CEL: variants seen among roughly 807,000 people sequenced by gnomAD.
CEL encodes carboxyl ester lipase, also known as bile salt-activated lipase.
A neutral mutation model predicts 57.1 loss-of-function variants in CEL; 39 were observed. The ratio of observed to expected loss-of-function variants is 0.68; its 90% CI spans 0.53 to 0.89. CEL has a LOEUF of 0.89. CEL is among the 40% of genes least tolerant of loss of function. The pLI, the probability that CEL is intolerant of heterozygous loss-of-function variation, is 0.00. For missense variants in CEL, 698 were observed against 915.0 expected, an observed-to-expected ratio of 0.76 and a Z score of 3.06; for synonymous variants, 314 against 396.6, an observed-to-expected ratio of 0.79 and a Z score of 2.48.
intron 1 of CEL, 64 bp from the exon 2 acceptor site, chr9:133,064,340 C>A (rs1830138886): frequency 1.9e-6 from 3 of 1,604,806 alleles, no homozygotes; most frequent in African/African-American, 1.3e-5. Flanking sequence ...GCTTGCCTTG[C>A]CCCCTCCGGA....
At position 133,067,189 on chromosome 9, in the gene CEL, G is replaced by A. The variant is rs759524824; in HGVS notation, c.879G>A (p.Pro293=). 4.8e-5 allele frequency: 77 copies of A among 1,613,630 alleles called. No homozygotes were observed. The highest frequency in any genetic ancestry group is 6.0e-5 in the Non-Finnish European group (71 of 1,179,920). Residue 293 remains proline (P), a synonymous_variant, in exon 7 of 11, where the codon CCG becomes CCA. Coordinates refer to ENST00000372080, the MANE Select transcript of CEL (RefSeq NM_001807.6). ...PRALTLAYKV[P]LAGLEYPMLH... ...CCCTGACGCTGGCCTATAAGGTGCC[G>A]CTGGCAGGCCTGGAGTGTGAGTAGC...
intron 7 of CEL, among the ~76,000 whole-genome samples, chr9:133,068,055 A>T (rs1029618113): frequency 6.6e-6 from 1 of 152,210 alleles, no homozygotes; most frequent in Non-Finnish European, 1.5e-5. Context: ...TTTACCTGAC[A>T]TGAGCTCAAC....
Position 133,064,603 on chromosome 9 carries a change from C to T in CEL, c.218-37C>T, listed in dbSNP as rs371081359. On this transcript the variant is annotated intron_variant, in intron 2 of 10. Transcript: ENST00000372080. ...GGCCCTGCGGCGGGGCGGGTGAGGG[C>T]GGCTGCCTTCCTCATGCCAACTCCT... 662 of 1,613,374 alleles carry T rather than the reference C, an allele frequency of 4.1e-4. 2 individuals are homozygous for T. The highest frequency in any genetic ancestry group is 1.7e-4 in the Middle Eastern group (1 of 5,906).
In CEL at chr9:133,066,661, G is replaced by A; in HGVS notation, c.669+1G>A. On this transcript the variant is annotated splice_donor_variant, in intron 5 of 10. Coordinates refer to ENST00000372080, the MANE Select transcript of CEL (RefSeq NM_001807.6). LOFTEE classifies it high-confidence loss of function. This position sits in a 1 kb window ranked among gnomAD's most constrained non-coding sequence, Gnocchi z 4.3. ...TGGAGGTGCCAGCGTCTCTCTGCAG[G>A]TCTCGGGATCCCTGTGGGGAGGGCC... 6.2e-7 allele frequency: 1 copy of A among 1,613,120 alleles called. No homozygotes were observed. The highest frequency in any genetic ancestry group is 1.6e-4 in the Middle Eastern group (1 of 6,062).
chr9:133,067,007 T>G, intron 6 of CEL, 62 bp downstream of exon 6: 1 of 1,605,192 alleles, frequency 6.2e-7, no homozygotes, highest in Non-Finnish European at 8.5e-7. Context: ...TTCTTTATCC[T>G]GGACCCCATC....
In CEL at chr9:133,071,144, G is replaced by A. The variant is rs780580551; in HGVS notation, c.1642G>A (p.Ala548Thr). 5.0e-5 allele frequency: 80 copies of A among 1,608,628 alleles called. 1 individual carries two copies. Among genetic ancestry groups the A allele is most frequent in the Middle Eastern group, 3.3e-4 (2 of 6,078 alleles). Residue 548 changes from alanine to threonine, a missense_variant, in exon 11 of 11, where the codon GCG (alanine) becomes ACG (threonine). By Grantham distance (58) the Ala-to-Thr change is moderately conservative. Around this residue, in one of 6 missense-constraint regions of CEL, gnomAD observed 238 missense variants for 213.7 expected, o/e 1.11. Transcript: ENST00000372080. Reference protein sequence around the residue: ...FLRYWTLTYLALPTVTDQEAT... With the variant: ...FLRYWTLTYLTLPTVTDQEAT... ...GCGCTACTGGACCCTCACCTATCTG[G>A]CGCTGCCCACAGTGACCGACCAGGA... is the stretch of plus-strand genomic sequence containing the variant.
chr9:133,066,981 G>GTCC lies in CEL; in HGVS notation c.777+36_777+37insTCC. Reference sequence around the variant, plus strand: ...GAGGGCAGGGCTGGGCGGGGTGGGGGCTGTCCACATTTCCGTTCTTTATCC... The same window carrying GTCC: ...GAGGGCAGGGCTGGGCGGGGTGGGGGTCCCTGTCCACATTTCCGTTCTTTATCC... On this transcript the variant is annotated intron_variant, in intron 6 of 10. Transcript: ENST00000372080. This position sits in a 1 kb window ranked among gnomAD's most constrained non-coding sequence, Gnocchi z 4.3. 4 of 1,593,130 alleles carry GTCC rather than the reference G, an allele frequency of 2.5e-6. No individual in the cohort carries two copies. Among genetic ancestry groups the GTCC allele is most frequent in the Non-Finnish European group, 3.4e-6 (4 of 1,161,278 alleles).
Position 133,065,371 on chromosome 9 carries a change from T to C in CEL, c.538+134T>C, listed in dbSNP as rs138020576. 388 of 1,042,114 alleles carry C rather than the reference T, an allele frequency of 3.7e-4. No individual in the cohort carries two copies. In the African/African-American group the frequency reaches 5.5e-3, roughly 15 times the overall value. 64.6% of individuals were successfully genotyped at this position (1,042,114 alleles called of 1,614,324 possible). ...AGACCCGGAAGCTGGAGTAGAATCA[T>C]GAGATGCAGGAGGCCCTTGGTAGCT... On this transcript the variant is annotated intron_variant, in intron 4 of 10. Coordinates refer to ENST00000372080, the MANE Select transcript of CEL (RefSeq NM_001807.6).
intron 4 of CEL, among the ~76,000 whole-genome samples, chr9:133,065,929 G>C (rs1830171841): frequency 6.6e-6 from 1 of 151,924 alleles, no homozygotes; most frequent in African/African-American, 2.4e-5. Context: ...GAGGTGGAAG[G>C]ATCGCTTGAG....
intron 1 of CEL, 35 bp from the exon 2 acceptor site, chr9:133,064,369 G>A (rs1830139397): frequency 6.2e-7 from 1 of 1,611,502 alleles, no homozygotes; most frequent in Non-Finnish European, 8.5e-7. Context: ...GATGGGGCTT[G>A]AGCCCCCCTG....
At position 133,071,698 on chromosome 9, in the gene CEL, G is replaced by A. The variant is rs780310748; in HGVS notation, c.2196G>A (p.Glu732=). The A allele has an allele frequency of 3.7e-5, 60 of 1,610,548 alleles. No individual in the cohort carries two copies. The highest frequency in any genetic ancestry group is 3.5e-4 in the Admixed American group (21 of 59,866). ...APPVPPTGDS[E]AAPVPPTDDS... Reference sequence around the variant, plus strand: ...CTGTGCCCCCCACGGGTGACTCTGAGGCTGCCCCTGTGCCCCCCACAGATG... The same window carrying A: ...CTGTGCCCCCCACGGGTGACTCTGAAGCTGCCCCTGTGCCCCCCACAGATG... The change falls in exon 11 of 11, where the codon GAG becomes GAA. Residue 732 remains glutamate, a synonymous_variant. Transcript: ENST00000372080.
intron 7 of CEL, among the ~76,000 whole-genome samples, chr9:133,067,753 C>T (rs1830203781): frequency 6.6e-6 from 1 of 152,168 alleles, no homozygotes; most frequent in African/African-American, 2.4e-5. Context: ...TCCCCCACCT[C>T]ATGCATTCAT....
At position 133,071,339 on chromosome 9, in the gene CEL, C is replaced by T. The variant is rs1469312062; in HGVS notation, c.1837C>T (p.Pro613Ser). Residue 613 changes from proline (P) to serine (S), a missense_variant, in exon 11 of 11, where the codon CCC becomes TCC. By Grantham distance (74) the Pro-to-Ser change is moderately conservative. Around this residue, in one of 6 missense-constraint regions of CEL, gnomAD observed 238 missense variants for 213.7 expected, o/e 1.11. Transcript: ENST00000372080. ...GCCGCCCACGGGTGACTCCGGGGCC[C>T]CCCCCGTGCCGCCCACGGGTGACTC... ...PVPPTGDSGAPPVPPTGDSGA... is the reference protein window; with the variant it reads ...PVPPTGDSGASPVPPTGDSGA... The T allele has an allele frequency of 1.6e-5, 5 of 319,828 alleles. No homozygotes were observed. Among genetic ancestry groups the T allele is most frequent in the South Asian group, 9.8e-5 (4 of 40,678 alleles). 19.8% of individuals were successfully genotyped at this position (319,828 alleles called of 1,614,324 possible).
intron 7 of CEL, 149 bp from the exon 8 acceptor site, chr9:133,068,523 C>T (rs933265287): frequency 3.1e-5 from 23 of 746,410 alleles, no homozygotes; most frequent in Admixed American, 2.8e-4. Flanking sequence ...GCACAGGATG[C>T]CCCTGATGGT....
At chr9:133,070,336 T>A in intron 9 of CEL, 125 bp from the exon 10 acceptor site, 2 of 761,930 alleles carry the variant, frequency 2.6e-6, no homozygotes, top group Non-Finnish European at 4.4e-6. Context: ...AGAAGCCCCA[T>A]CTCTTCATGT....
In CEL at chr9:133,064,807, C is replaced by T. The variant is rs1201251564; in HGVS notation, c.340+45C>T. On this transcript the variant is annotated intron_variant, in intron 3 of 10. Transcript: ENST00000372080. ...CCCAAGGGACCCTCCCATGCAGCCACTGCCCCGGGTCTACTCCTGGCTTGA... is the reference window on the plus strand; with the variant it reads ...CCCAAGGGACCCTCCCATGCAGCCATTGCCCCGGGTCTACTCCTGGCTTGA... 3.7e-6 allele frequency: 6 copies of T among 1,612,966 alleles called. No individual in the cohort carries two copies. The Middle Eastern group carries it at 6.8e-4, about 182-fold the overall frequency.
In CEL at chr9:133,071,354, A is replaced by G; in HGVS notation, c.1852A>G (p.Thr618Ala). ...GDSGAPPVPP[T>A]GDSGAPPVPP... is the part of the protein sequence containing the mutation. ...CTCCGGGGCCCCCCCCGTGCCGCCC[A>G]CGGGTGACTCCGGGGCCCCCCCCGT... The change falls in exon 11 of 11, where the codon ACG becomes GCG. Residue 618 changes from threonine to alanine, a missense_variant. Thr to Ala is a moderately conservative substitution (Grantham distance 58). This residue lies in a region of CEL where 238 missense variants were observed against 213.7 expected (regional missense o/e 1.11). Transcript: ENST00000372080. 1.8e-5 allele frequency: 3 copies of G among 168,524 alleles called. No homozygotes were observed. The East Asian group carries it at 3.2e-4, about 18-fold the overall frequency. 10.4% of individuals were successfully genotyped at this position (168,524 alleles called of 1,614,324 possible). A position where few individuals can be genotyped will look rare whatever the true frequency, so the allele number is the denominator to read the frequency against.
Position 133,068,598 on chromosome 9 carries a change from C to T in CEL, c.896-74C>T. 3 of 1,606,944 alleles carry T rather than the reference C, an allele frequency of 1.9e-6. No homozygotes were observed. The Admixed American group carries it at 5.1e-5, about 27-fold the overall frequency. On this transcript the variant is annotated intron_variant, in intron 7 of 10. Coordinates refer to ENST00000372080, the MANE Select transcript of CEL (RefSeq NM_001807.6). ...AGGGAGGACATAGCCAATTCCAGCC[C>T]TGAGAGGCAAGGGGCGGCTCAGGGG... is the stretch of plus-strand genomic sequence containing the variant.
In CEL at chr9:133,071,848, G is replaced by C. The variant is rs1351303271; in HGVS notation, c.*84G>C. ...CCATCTTGAGCTCTTCCTGAATAAA[G>C]CCTCATACCCCTGTCGGTGTCTTTC... On this transcript the variant is annotated 3_prime_UTR_variant, in exon 11 of 11. Coordinates refer to ENST00000372080, the MANE Select transcript of CEL (RefSeq NM_001807.6). 7.9e-7 allele frequency: 1 copy of C among 1,260,580 alleles called. No homozygotes were observed. Among genetic ancestry groups the C allele is most frequent in the African/African-American group, 1.5e-5 (1 of 67,518 alleles). 78.1% of individuals were successfully genotyped at this position (1,260,580 alleles called of 1,614,324 possible). A position where few individuals can be genotyped will look rare whatever the true frequency, so the allele number is the denominator to read the frequency against.
Sources: allele counts gnomAD v4.1 joint callset (sites outside exome capture counted in the v4.1 genomes callset), GRCh38; gene constraint gnomAD v4.1.1; regional missense constraint gnomAD v4.1.1; non-coding constraint Gnocchi (gnomAD v3.1); transcripts MANE v1.5; gene names NCBI Gene and HGNC (gene_info 2026-07-23, HGNC 2026-07-21).